Variants in GPC4 observed in about 807,000 individuals in gnomAD.
GPC4 encodes glypican 4, also known as glypican-4.
A neutral mutation model predicts 35.0 loss-of-function variants in GPC4; 10 were observed. That is an observed-to-expected ratio of 0.29 (90% confidence interval 0.18 to 0.48). The LOEUF is 0.48. Ranked by LOEUF, GPC4 falls within the 20% of genes least tolerant of loss-of-function variation. The pLI is 0.99. For synonymous variants in GPC4, 167 were observed against 170.2 expected (o/e 0.98, Z 0.15); for missense variants, 322 against 451.3 (o/e 0.71, Z 2.60).
Position 133,319,920 on chromosome X carries a change from A to G in GPC4, c.711+4225T>C, listed in dbSNP as rs1230032805. 2.7e-5 allele frequency among the ~76,000 whole-genome samples: 3 copies of G among 111,833 alleles called. No homozygotes were observed. In the Admixed American group the frequency reaches 2.9e-4, roughly 11 times the overall value. ...ATGCAAGTATGCCTTGCATGCTTGT[A>G]TGCAGATGCATTCCACAGATGGTAG... On this transcript the variant is annotated intron_variant, in intron 3 of 8. Coordinates refer to ENST00000370828, the MANE Select transcript of GPC4 (RefSeq NM_001448.3).
intron 3 of GPC4, among the ~76,000 whole-genome samples, chrX:133,320,999 G>C (rs1443901191): frequency 8.9e-6 from 1 of 111,738 alleles, no homozygotes; most frequent in African/African-American, 3.3e-5. Flanking sequence ...CTATGATTGT[G>C]CCACTGCGCT....
At chrX:133,382,206 A>C (rs2068663395) in intron 1 of GPC4, among the ~76,000 whole-genome samples, 1 of 111,252 alleles carries the variant, frequency 9.0e-6, no homozygotes, top group East Asian at 2.8e-4. Context: ...AGGCAGGTGG[A>C]TCACGAGGTC....
At chrX:133,349,674 G>A (rs890940566) in intron 1 of GPC4, among the ~76,000 whole-genome samples, 12 of 112,175 alleles carry the variant, frequency 1.1e-4, no homozygotes, top group African/African-American at 2.9e-4. Context: ...AGGATGGAGC[G>A]CAGTGGCGTG....
At chrX:133,364,939 G>C (rs1186545475) in intron 1 of GPC4, among the ~76,000 whole-genome samples, 1 of 111,945 alleles carries the variant, frequency 8.9e-6, no homozygotes, top group Non-Finnish European at 1.9e-5. Flanking sequence ...ACTTATTTTA[G>C]AAGCCTGGCA....
intron 3 of GPC4, among the ~76,000 whole-genome samples, chrX:133,319,166 G>A (rs748638816): frequency 1.2e-4 from 13 of 110,812 alleles, no homozygotes; most frequent in Non-Finnish European, 2.3e-4. Context: ...TTTGTAGGCC[G>A]GGCGCAGTGG....
intron 4 of GPC4, among the ~76,000 whole-genome samples, chrX:133,306,379 G>A (rs936003450): frequency 2.7e-5 from 3 of 111,451 alleles, no homozygotes; most frequent in African/African-American, 6.5e-5. Flanking sequence ...ATGGCCAGAT[G>A]AAGGCTTAGT....
At chrX:133,409,548 C>G (rs900878423) in intron 1 of GPC4, among the ~76,000 whole-genome samples, 1 of 110,639 alleles carries the variant, frequency 9.0e-6, no homozygotes, top group East Asian at 2.8e-4. Context: ...ACAGACAAGA[C>G]GAGGAGTTGT....
At position 133,415,335 on chromosome X, in the gene GPC4, C is replaced by G. The variant is rs1225998149; in HGVS notation, c.-370G>C. ...GGAAGGAGGGAAGGGTGGCAGGCGC[C>G]GCGGGGACCGCAGAGGGTGTGGGCG... On this transcript the variant is annotated 5_prime_UTR_variant, in exon 1 of 9. Coordinates refer to ENST00000370828, the MANE Select transcript of GPC4 (RefSeq NM_001448.3). 1 of 194,947 alleles carries G rather than the reference C, an allele frequency of 5.1e-6. No individual in the cohort carries two copies. Among genetic ancestry groups the G allele is most frequent in the Admixed American group, 7.9e-5 (1 of 12,650 alleles). 16.1% of individuals were successfully genotyped at this position (194,947 alleles called of 1,213,427 possible).
rs754485511 is a variant in GPC4 at position 133,392,972 on chromosome X, C to T, written c.160+21834G>A. ...ATCACAAAGCTGAAAGCAGACAAAC[C>T]GTGGAAGCCAATGACACAGGAAACG... On this transcript the variant is annotated intron_variant, in intron 1 of 8. Transcript: ENST00000370828. 2.3e-4 allele frequency among the ~76,000 whole-genome samples: 26 copies of T among 112,066 alleles called. No individual in the cohort carries two copies. In the South Asian group the frequency reaches 3.0e-3, roughly 13 times the overall value.
intron 1 of GPC4, among the ~76,000 whole-genome samples, chrX:133,348,972 G>T (rs1446084850): frequency 1.8e-5 from 2 of 112,439 alleles, no homozygotes; most frequent in African/African-American, 6.5e-5. Context: ...GATCACGTCT[G>T]TTAGAGCCCC....
At chrX:133,388,952 C>CA (rs1556035322) in intron 1 of GPC4, among the ~76,000 whole-genome samples, 1 of 53,467 alleles carries the variant, frequency 1.9e-5, no homozygotes. Flanking sequence ...TACCCATAGC[C>CA]TTTTTTTTTT....
In GPC4 at chrX:133,406,684, G is replaced by A. The variant is rs191559151; in HGVS notation, c.160+8122C>T. Among the ~76,000 whole-genome samples the A allele has an allele frequency of 1.1e-4, 11 of 104,735 alleles. No homozygotes were observed. In the East Asian group the frequency reaches 3.0e-3, roughly 29 times the overall value. The allele number at this position is 104,735 out of a possible 115,157, so 90.9% of individuals were successfully genotyped here. ...GAATCACTTGAACCCAGGAGGCGGA[G>A]GTTGCAGTGAGTGGAGATCATGCCA... On this transcript the variant is annotated intron_variant, in intron 1 of 8. Coordinates refer to ENST00000370828, the MANE Select transcript of GPC4 (RefSeq NM_001448.3).
intron 1 of GPC4, among the ~76,000 whole-genome samples, chrX:133,365,694 CT>C (rs1341850293): frequency 1.8e-5 from 2 of 112,082 alleles, no homozygotes; most frequent in Non-Finnish European, 3.8e-5. Context: ...ACACTAACAT[CT>C]TAGGAATCTC....
intron 1 of GPC4, among the ~76,000 whole-genome samples, chrX:133,400,251 A>G (rs1206621628): frequency 8.9e-6 from 1 of 112,186 alleles, no homozygotes; most frequent in Admixed American, 9.5e-5. Context: ...ATCCACTGCC[A>G]GAAACACAAA....
intron 3 of GPC4, among the ~76,000 whole-genome samples, chrX:133,319,287 A>G (rs747133783): frequency 3.7e-5 from 4 of 107,736 alleles, no homozygotes; most frequent in African/African-American, 1.4e-4. Flanking sequence ...TCTACAAAAA[A>G]TAAAAAATTA....
At chrX:133,385,365 A>G (rs2068684207) in intron 1 of GPC4, among the ~76,000 whole-genome samples, 2 of 112,260 alleles carry the variant, frequency 1.8e-5, no homozygotes, top group Non-Finnish European at 3.8e-5. Flanking sequence ...TGTAAGAAAC[A>G]CCGAAGAATT....
chrX:133,337,565 T>C (rs1049657421), intron 2 of GPC4, among the ~76,000 whole-genome samples: 9 of 111,548 alleles, frequency 8.1e-5, no homozygotes, highest in Non-Finnish European at 1.5e-4. Context: ...AAGAGCAGAT[T>C]TTTTTTTCCT....
chrX:133,357,100 A>G (rs1321567793), intron 1 of GPC4, among the ~76,000 whole-genome samples: 1 of 110,934 alleles, frequency 9.0e-6, no homozygotes, highest in Non-Finnish European at 1.9e-5. Flanking sequence ...AATAATTTTT[A>G]GGGCCAGGTG....
At chrX:133,332,257 T>C (rs1420575934) in intron 2 of GPC4, among the ~76,000 whole-genome samples, 2 of 111,827 alleles carry the variant, frequency 1.8e-5, no homozygotes, top group Non-Finnish European at 3.8e-5. Context: ...TAAAAGACAG[T>C]AACAATGGCT....
Sources: allele counts gnomAD v4.1 joint callset (sites outside exome capture counted in the v4.1 genomes callset), GRCh38; gene constraint gnomAD v4.1.1; transcripts MANE v1.5; gene names NCBI Gene and HGNC (gene_info 2026-07-23, HGNC 2026-07-21).